Variants in ZFHX3 observed in about 807,000 individuals in gnomAD.
ZFHX3 encodes zinc finger homeobox 3.
A neutral mutation model predicts 279.1 loss-of-function variants in ZFHX3; 42 were observed. That is an observed-to-expected ratio of 0.15 (90% CI 0.12 to 0.19). ZFHX3 has a LOEUF of 0.19. Among genes scored for constraint, ZFHX3 ranks in the 10% least tolerant of loss-of-function variants. The probability of loss-of-function intolerance (pLI) is 1.00; values close to 1 mark genes in which losing one functional copy is unlikely to be tolerated. For missense variants in ZFHX3, 4,981 were observed against 4,754.0 expected, an observed-to-expected ratio of 1.05 and a Z score of -1.40; for synonymous variants, 2,293 against 1,957.8, an observed-to-expected ratio of 1.17 and a Z score of -4.52.
At chr16:73,135,393 G>A (rs1227021962) in intron 6 of ZFHX3, among the ~76,000 whole-genome samples, 1 of 152,166 alleles carries the variant, frequency 6.6e-6, no homozygotes, top group African/African-American at 2.4e-5. Context: ...TAGAATGGGA[G>A]AGAAAAAGGA....
At chr16:73,611,154 G>GT (rs954634918) in intron 2 of ZFHX3, among the ~76,000 whole-genome samples, 23 of 151,934 alleles carry the variant, frequency 1.5e-4, no homozygotes, top group South Asian at 4.2e-4. Flanking sequence ...AGCAGTTTTG[G>GT]TTTTTTTTGA....
chr16:73,146,342 C>T (rs777418343), intron 5 of ZFHX3, among the ~76,000 whole-genome samples: 25 of 151,932 alleles, frequency 1.6e-4, no homozygotes, highest in Non-Finnish European at 3.2e-4. Context: ...GCAGGAAAAT[C>T]GCTTCAACCC....
At chr16:72,911,449 T>C (rs1032852920) in intron 3 of ZFHX3, among the ~76,000 whole-genome samples, 17 of 152,202 alleles carry the variant, frequency 1.1e-4, no homozygotes, top group Admixed American at 8.5e-4. Context: ...TAACATCTTT[T>C]TCCTTCGGAA....
At chr16:73,481,917 G>T (rs1365295284) in intron 2 of ZFHX3, among the ~76,000 whole-genome samples, 2 of 152,126 alleles carry the variant, frequency 1.3e-5, no homozygotes, top group Admixed American at 1.3e-4. Context: ...GGGTGAGAAA[G>T]GTCTTGAGCC....
At chr16:73,597,966 A>G (rs79771492) in intron 2 of ZFHX3, among the ~76,000 whole-genome samples, 4,608 of 152,278 alleles carry the variant, frequency 0.03, 247 homozygotes, top group African/African-American at 0.1. Context: ...TCTAGAGCAC[A>G]TAGTGACATT....
chr16:73,478,361 T>A (rs933814266), intron 2 of ZFHX3, among the ~76,000 whole-genome samples: 2 of 152,066 alleles, frequency 1.3e-5, no homozygotes, highest in Non-Finnish European at 1.5e-5. Flanking sequence ...ATTAAAAGTC[T>A]GATGCTCTAC....
At chr16:73,514,060 A>T (rs996975590) in intron 2 of ZFHX3, among the ~76,000 whole-genome samples, 2 of 152,156 alleles carry the variant, frequency 1.3e-5, no homozygotes, top group African/African-American at 2.4e-5. Flanking sequence ...CTTCCTGGCT[A>T]ACACCGTGAA....
At chr16:73,392,718 T>C (rs1222386191) in intron 3 of ZFHX3, among the ~76,000 whole-genome samples, 1 of 152,246 alleles carries the variant, frequency 6.6e-6, no homozygotes, top group Non-Finnish European at 1.5e-5. Context: ...CGAGTTCCTC[T>C]GGATTTATTA....
chr16:73,159,026 T>C (rs1967163429), intron 5 of ZFHX3, among the ~76,000 whole-genome samples: 1 of 152,070 alleles, frequency 6.6e-6, no homozygotes, highest in African/African-American at 2.4e-5. Context: ...CAGGCAAAGA[T>C]TTCATGAGGA....
chr16:73,336,084 C>T (rs967669917), intron 3 of ZFHX3, among the ~76,000 whole-genome samples: 2 of 152,252 alleles, frequency 1.3e-5, no homozygotes, highest in African/African-American at 2.4e-5. Context: ...GGCTCCCATT[C>T]GTTCTGGGGT....
intron 1 of ZFHX3, among the ~76,000 whole-genome samples, chr16:73,849,233 G>A (rs1463372952): frequency 6.6e-6 from 1 of 152,208 alleles, no homozygotes; most frequent in Non-Finnish European, 1.5e-5. Flanking sequence ...TCCTGATGTT[G>A]CTTTTTATAT....
intron 5 of ZFHX3, among the ~76,000 whole-genome samples, chr16:72,819,303 T>C (rs931877011): frequency 4.0e-5 from 6 of 151,214 alleles, no homozygotes; most frequent in Admixed American, 2.0e-4. Context: ...CCCTGTCCTT[T>C]AGGAAAGCTC....
chr16:72,896,581 G>A (rs573883968), intron 3 of ZFHX3, among the ~76,000 whole-genome samples: 4 of 152,178 alleles, frequency 2.6e-5, no homozygotes, highest in Non-Finnish European at 4.4e-5. Context: ...GTTCAGCCTC[G>A]TCAAACACTG....
intron 1 of ZFHX3, among the ~76,000 whole-genome samples, chr16:73,055,413 G>A (rs62055077): frequency 0.027 from 4,069 of 152,226 alleles, 54 homozygotes; most frequent in South Asian, 0.045. Context: ...GGCAGGAGGA[G>A]CCTAAAATAT....
intron 1 of ZFHX3, among the ~76,000 whole-genome samples, chr16:73,861,373 G>C (rs1961878080): frequency 6.6e-6 from 1 of 152,124 alleles, no homozygotes; most frequent in Non-Finnish European, 1.5e-5. Flanking sequence ...TCCAAAGCCA[G>C]AGGGAAAAAT....
chr16:73,037,069 G>T (rs1275828567), intron 1 of ZFHX3, among the ~76,000 whole-genome samples: 1 of 152,054 alleles, frequency 6.6e-6, no homozygotes, highest in Non-Finnish European at 1.5e-5. Context: ...ACTATACCTT[G>T]TCAAAGTACA....
At chr16:73,724,000 GAAAAGAAATGATAATTCGATGATTTT>G in intron 1 of ZFHX3, among the ~76,000 whole-genome samples, 2 of 152,176 alleles carry the variant, frequency 1.3e-5, no homozygotes, top group Non-Finnish European at 2.9e-5. Flanking sequence ...TGGGAAATTT[GAAAAGAAATGATAATTCGATGATTTT>G]TTCATAAAAG....
chr16:73,247,441 G>A (rs111209782), intron 5 of ZFHX3, among the ~76,000 whole-genome samples: 19 of 151,822 alleles, frequency 1.3e-4, no homozygotes, highest in African/African-American at 3.1e-4. Context: ...GCCTGTATGC[G>A]GAGTGTATGA....
rs566478370 is a variant in ZFHX3 at position 73,261,878 on chromosome 16, T to C, written c.-1193-4742A>G. On this transcript the variant is annotated intron_variant, in intron 4 of 17. Transcript: ENST00000641206. The stretch of plus-strand genomic sequence containing the variant: ...TTAGCAGAGACGGGGTTTCTTCATG[T>C]TGGTCAGACTGGTCTCAAACTCCTG... 3.9e-5 allele frequency among the ~76,000 whole-genome samples: 6 copies of C among 152,258 alleles called. No homozygotes were observed. The South Asian group carries it at 1.0e-3, about 26-fold the overall frequency.
Sources: allele counts gnomAD v4.1 joint callset (sites outside exome capture counted in the v4.1 genomes callset), GRCh38; gene constraint gnomAD v4.1.1; transcripts MANE v1.5; gene names NCBI Gene and HGNC (gene_info 2026-07-23, HGNC 2026-07-21).